The following SLC30A6 variants were observed in gnomAD, a reference collection of about 807,000 sequenced individuals.
SLC30A6 encodes the protein zinc transporter 6.
A neutral mutation model predicts 63.0 loss-of-function variants in SLC30A6; 55 were observed. The observed-to-expected ratio is 0.87, with a 90% CI of 0.70 to 1.09. The LOEUF is 1.09. Among genes scored for constraint, SLC30A6 ranks in the 50% least tolerant of loss-of-function variants. SLC30A6 has a pLI of 0.00. For missense variants in SLC30A6, 587 were observed against 549.2 expected (o/e 1.07, Z -0.69); for synonymous variants, 224 against 186.1 (o/e 1.20, Z -1.66).
intron 3 of SLC30A6, 81 bp from the exon 4 acceptor site, chr2:32,175,238 G>A (rs1681623879): frequency 7.4e-7 from 1 of 1,356,512 alleles, no homozygotes; most frequent in East Asian, 2.3e-5. Context: ...GGATACCCCT[G>A]GTAGAAATAA....
At position 32,202,816 on chromosome 2, in the gene SLC30A6, A is replaced by G. The variant is rs1452002024; in HGVS notation, c.666-1774A>G. 3 of 789,202 alleles carry G rather than the reference A, an allele frequency of 3.8e-6. No individual in the cohort carries two copies. The African/African-American group carries it at 5.1e-5, about 14-fold the overall frequency. The allele number at this position is 789,202 out of a possible 1,614,324, so 48.9% of individuals were successfully genotyped here. On this transcript the variant is annotated intron_variant, in intron 10 of 13. Transcript: ENST00000282587. ...CAGTGGGTATGCAAAGTTGCAAAAA[A>G]ATGAGTGAAATCCAGATACGAACAG...
rs148112780 is a variant in SLC30A6 at position 32,179,311 on chromosome 2, G to T, written c.218+3950G>T. Among the ~76,000 whole-genome samples the T allele has an allele frequency of 2.5e-4, 38 of 152,234 alleles. 1 individual carries two copies. In the East Asian group the frequency reaches 4.4e-3, roughly 18 times the overall value. The stretch of plus-strand genomic sequence containing the variant: ...TAATTTATGCTGCAGATATATTCCT[G>T]TGGTTAAAAATGAGTTGCATATGAG... On this transcript the variant is annotated intron_variant, in intron 4 of 13. Coordinates refer to ENST00000282587, the MANE Select transcript of SLC30A6 (RefSeq NM_017964.5).
chr2:32,166,104 A>C (rs1301308749), intron 1 of SLC30A6, among the ~76,000 whole-genome samples: 1 of 152,180 alleles, frequency 6.6e-6, no homozygotes, highest in Non-Finnish European at 1.5e-5. Flanking sequence ...CCTGTTCCGC[A>C]GGCGCTCACG....
chr2:32,203,895 T>C (rs1684514796), intron 10 of SLC30A6: 1 of 923,788 alleles, frequency 1.1e-6, no homozygotes, highest in Non-Finnish European at 1.8e-6. Flanking sequence ...GCCGGTCAGT[T>C]AGACAGAGTC....
In SLC30A6 at chr2:32,215,065, A is replaced by T. The variant is rs780796914; in HGVS notation, c.886-5148A>T. On this transcript the variant is annotated intron_variant, in intron 13 of 13. Transcript: ENST00000282587. ...TTTGTATTTCAAGTCATAGATTCAGATACAGTGTTACTAAACAATTTGGCT... is the reference window on the plus strand; with the variant it reads ...TTTGTATTTCAAGTCATAGATTCAGTTACAGTGTTACTAAACAATTTGGCT... Among the ~76,000 whole-genome samples the T allele has an allele frequency of 4.6e-5, 7 of 152,230 alleles. No individual in the cohort carries two copies. The East Asian group carries it at 1.3e-3, about 29-fold the overall frequency.
intron 10 of SLC30A6, chr2:32,202,508 T>G (rs958598451): frequency 3.5e-6 from 1 of 282,784 alleles, no homozygotes; most frequent in Admixed American, 4.7e-5. Flanking sequence ...TTTTTTTGTA[T>G]TTTTAGTAGA....
intron 10 of SLC30A6, chr2:32,203,013 A>G (rs956541076): frequency 1.2e-5 from 14 of 1,177,224 alleles, no homozygotes; most frequent in Non-Finnish European, 1.4e-5. Flanking sequence ...TGTAACTGAA[A>G]TAGCCATGAA....
chr2:32,188,392 C>G (rs1371921875), intron 5 of SLC30A6, among the ~76,000 whole-genome samples: 1 of 152,172 alleles, frequency 6.6e-6, no homozygotes, highest in Admixed American at 6.6e-5. Flanking sequence ...TGTCCCTACC[C>G]TTTAAAAGGT....
Position 32,204,649 on chromosome 2 carries a change from C to G in SLC30A6, c.725C>G (p.Thr242Ser). 6.2e-7 allele frequency: 1 copy of G among 1,613,012 alleles called. No homozygotes were observed. The highest frequency in any genetic ancestry group is 8.5e-7 in the Non-Finnish European group (1 of 1,179,408). ...AIAIALMTFG[T>S]MYPMSVYSGK... ...GCTATTGCCTTGATGACATTTGGCA[C>G]TATGTATCCCATGAGTGTGTACAGT... is the stretch of plus-strand genomic sequence containing the variant. Residue 242 changes from threonine (T) to serine (S), a missense_variant, in exon 11 of 14, where the codon ACT (threonine) becomes AGT (serine). Physicochemically the swap from Thr to Ser is moderately conservative, Grantham distance 58. Coordinates refer to ENST00000282587, the MANE Select transcript of SLC30A6 (RefSeq NM_017964.5).
chr2:32,173,937 A>T (rs893637337), intron 2 of SLC30A6, 126 bp from the exon 3 acceptor site: 6 of 609,064 alleles, frequency 9.9e-6, no homozygotes, highest in Admixed American at 6.6e-5. Context: ...AGAAAGTGTG[A>T]CACAGACTTT....
intron 13 of SLC30A6, among the ~76,000 whole-genome samples, chr2:32,218,970 G>A (rs925625710): frequency 6.6e-6 from 1 of 152,206 alleles, no homozygotes; most frequent in Non-Finnish European, 1.5e-5. Flanking sequence ...GGTTGCAGAT[G>A]TTAAATTGAA....
intron 4 of SLC30A6, among the ~76,000 whole-genome samples, chr2:32,183,248 A>C (rs1222348276): frequency 6.6e-6 from 1 of 152,132 alleles, no homozygotes; most frequent in African/African-American, 2.4e-5. Context: ...AAGGATAGTT[A>C]ATAACTGAGA....
chr2:32,185,704 T>TA (rs1682740669), intron 5 of SLC30A6, among the ~76,000 whole-genome samples: 1 of 152,034 alleles, frequency 6.6e-6, no homozygotes, highest in South Asian at 2.1e-4. Context: ...AATGAATTTT[T>TA]AAAAAATATT....
At chr2:32,193,828 A>T (rs1683547640) in intron 7 of SLC30A6, 61 bp from the exon 8 acceptor site, 4 of 1,361,462 alleles carry the variant, frequency 2.9e-6, no homozygotes, top group Non-Finnish European at 4.2e-6. Context: ...TACGTATTGA[A>T]ATTACATACT....
chr2:32,206,469 C>T (rs1299496969), intron 11 of SLC30A6, among the ~76,000 whole-genome samples: 1 of 151,422 alleles, frequency 6.6e-6, no homozygotes, highest in Non-Finnish European at 1.5e-5. Flanking sequence ...TTCCCAGGGC[C>T]GGATGTGCGT....
chr2:32,195,437 T>C (rs1461481407), intron 8 of SLC30A6, among the ~76,000 whole-genome samples: 1 of 152,094 alleles, frequency 6.6e-6, no homozygotes, highest in African/African-American at 2.4e-5. Context: ...ATGTAAATGA[T>C]TTTTTAATGT....
chr2:32,200,074 A>G (rs910416632), intron 10 of SLC30A6, among the ~76,000 whole-genome samples: 2 of 149,062 alleles, frequency 1.3e-5, no homozygotes, highest in Non-Finnish European at 2.9e-5. Flanking sequence ...TATGAGACAT[A>G]TATACACACA....
intron 4 of SLC30A6, among the ~76,000 whole-genome samples, chr2:32,180,228 C>G (rs1007292202): frequency 9.2e-5 from 14 of 152,020 alleles, no homozygotes; most frequent in African/African-American, 3.4e-4. Flanking sequence ...ACAGTGAAAC[C>G]TCTTCTCTAC....
At chr2:32,191,204 T>C (rs762366257) in intron 5 of SLC30A6, among the ~76,000 whole-genome samples, 1 of 152,230 alleles carries the variant, frequency 6.6e-6, no homozygotes, top group African/African-American at 2.4e-5. Flanking sequence ...TTGGTGCATT[T>C]GCATACTGTT....
Sources: allele counts gnomAD v4.1 joint callset (sites outside exome capture counted in the v4.1 genomes callset), GRCh38; gene constraint gnomAD v4.1.1; transcripts MANE v1.5; gene names NCBI Gene and HGNC (gene_info 2026-07-23, HGNC 2026-07-21).